The following APOBEC1 variants were observed in gnomAD, a reference collection of about 807,000 sequenced individuals.
The protein encoded by APOBEC1 is C->U-editing enzyme APOBEC-1.
Under a neutral mutation model 26.3 loss-of-function variants are expected in APOBEC1, and 22 were observed. That is an observed-to-expected ratio of 0.84 (90% CI 0.60 to 1.19). The LOEUF is 1.19. Among genes scored for constraint, APOBEC1 ranks in the 50% most tolerant of loss-of-function variants. The pLI, the probability that APOBEC1 is intolerant of heterozygous loss-of-function variation, is 0.00. For missense variants in APOBEC1, 253 were observed against 289.0 expected (o/e 0.88, Z 0.90); for synonymous variants, 77 against 95.3 (o/e 0.81, Z 1.12).
chr12:7,665,803 A>T, intron 1 of APOBEC1, 54 bp downstream of exon 1: 4 of 1,367,032 alleles, frequency 2.9e-6, no homozygotes, highest in African/African-American at 1.6e-5. Flanking sequence ...ACACACACAC[A>T]CACCATTCTT....
At chr12:7,650,881 T>G (rs1267594143) in intron 4 of APOBEC1, 142 bp downstream of exon 4, 2 of 692,136 alleles carry the variant, frequency 2.9e-6, no homozygotes, top group Admixed American at 4.6e-5. Flanking sequence ...TCTGAGATTT[T>G]CTTAAGAGGA....
upstream of APOBEC1, among the ~76,000 whole-genome samples, chr12:7,669,254 G>A (rs1201560541): frequency 1.3e-5 from 2 of 151,298 alleles, no homozygotes; most frequent in Admixed American, 6.6e-5. Flanking sequence ...TAGTAGAGAC[G>A]GGGTTTCACC....
At chr12:7,659,294 C>CAAAAAAAA (rs1163730869) in intron 1 of APOBEC1, among the ~76,000 whole-genome samples, 1 of 16,540 alleles carries the variant, frequency 6.0e-5, no homozygotes, top group Non-Finnish European at 1.0e-4. Flanking sequence ...AACTCCCTCT[C>CAAAAAAAA]AAAAAAAAAA....
intron 3 of APOBEC1, 47 bp downstream of exon 3, chr12:7,652,391 C>T: frequency 6.5e-7 from 1 of 1,538,554 alleles, no homozygotes; most frequent in Non-Finnish European, 8.8e-7. Flanking sequence ...GCTACTATCA[C>T]CACAGTCTGT....
At chr12:7,665,817 T>C in intron 1 of APOBEC1, 40 bp downstream of exon 1, 4 of 1,510,594 alleles carry the variant, frequency 2.6e-6, no homozygotes, top group Non-Finnish European at 3.6e-6. Context: ...CATTCTTGCA[T>C]TGTTCAAGAA....
At chr12:7,656,845 C>T (rs1428671640) in intron 1 of APOBEC1, among the ~76,000 whole-genome samples, 1 of 152,104 alleles carries the variant, frequency 6.6e-6, no homozygotes, top group Admixed American at 6.6e-5. Context: ...TAGAAAGATG[C>T]CTGTTTTATG....
intron 1 of APOBEC1, among the ~76,000 whole-genome samples, chr12:7,662,961 G>C (rs776122553): frequency 6.6e-6 from 1 of 152,138 alleles, no homozygotes; most frequent in African/African-American, 2.4e-5. Flanking sequence ...TAGAGAGTAT[G>C]GGGATGATTC....
In APOBEC1 at chr12:7,654,667, TC is replaced by T. The variant is rs778537982; in HGVS notation, c.17-36del. On this transcript the variant is annotated intron_variant, in intron 1 of 4. Transcript: ENST00000229304. ...AAGATATGATTATGTCAAACAACACTCAAATATCAAATGAGTTGCTAAGAAA... is the reference window on the plus strand; with the variant it reads ...AAGATATGATTATGTCAAACAACACTAAATATCAAATGAGTTGCTAAGAAA... 2.5e-6 allele frequency: 4 copies of T among 1,605,576 alleles called. No homozygotes were observed. In the Admixed American group the frequency reaches 6.7e-5, roughly 27 times the overall value.
intron 1 of APOBEC1, 60 bp from the exon 2 acceptor site, chr12:7,654,692 A>G: frequency 6.6e-7 from 1 of 1,513,864 alleles, no homozygotes; most frequent in South Asian, 1.1e-5. Flanking sequence ...GTTGCTAAGA[A>G]AAAGTGCTCT....
intron 1 of APOBEC1, among the ~76,000 whole-genome samples, chr12:7,661,780 G>A (rs1399879728): frequency 6.6e-6 from 1 of 152,076 alleles, no homozygotes; most frequent in East Asian, 1.9e-4. Flanking sequence ...ACCTGGAAGG[G>A]GAAAGAGAAA....
upstream of APOBEC1, among the ~76,000 whole-genome samples, chr12:7,667,680 A>G (rs576811823): frequency 2.4e-4 from 36 of 152,242 alleles, no homozygotes; most frequent in South Asian, 7.0e-3. Context: ...TATGAGAGGC[A>G]GAGATGGGAG....
chr12:7,656,254 T>C (rs1426905183), intron 1 of APOBEC1, among the ~76,000 whole-genome samples: 1 of 152,118 alleles, frequency 6.6e-6, no homozygotes, highest in Non-Finnish European at 1.5e-5. Context: ...TACTCCATGG[T>C]TATGAAATCA....
intron 1 of APOBEC1, among the ~76,000 whole-genome samples, chr12:7,656,387 C>T (rs1863715858): frequency 1.3e-5 from 2 of 152,076 alleles, no homozygotes; most frequent in South Asian, 4.1e-4. Flanking sequence ...GTGATCTAAG[C>T]AGTACTTTGT....
chr12:7,668,329 G>T (rs1863917356), upstream of APOBEC1, among the ~76,000 whole-genome samples: 1 of 152,150 alleles, frequency 6.6e-6, no homozygotes, highest in East Asian at 1.9e-4. Flanking sequence ...CAGACCTCCA[G>T]AACTATAAAA....
chr12:7,665,351 G>A (rs896209100), intron 1 of APOBEC1, among the ~76,000 whole-genome samples: 1 of 152,090 alleles, frequency 6.6e-6, no homozygotes. Flanking sequence ...AGGCTGGAGT[G>A]CAGTGGCGTG....
intron 1 of APOBEC1, 52 bp from the exon 2 acceptor site, chr12:7,654,684 T>G (rs755623668): frequency 7.6e-6 from 12 of 1,579,214 alleles, no homozygotes; most frequent in Non-Finnish European, 1.0e-5. Context: ...TCAAATGAGT[T>G]GCTAAGAAAA....
chr12:7,662,325 T>G (rs1438519185), intron 1 of APOBEC1, among the ~76,000 whole-genome samples: 1 of 151,992 alleles, frequency 6.6e-6, no homozygotes, highest in Admixed American at 6.6e-5. Flanking sequence ...ATCATGCCTG[T>G]AATCCCAGCA....
upstream of APOBEC1, among the ~76,000 whole-genome samples, chr12:7,666,455 G>A (rs370972330): frequency 3.3e-5 from 5 of 151,804 alleles, no homozygotes; most frequent in African/African-American, 7.3e-5. Context: ...CACCACGCCC[G>A]GCTAATTTTT....
intron 1 of APOBEC1, among the ~76,000 whole-genome samples, chr12:7,659,322 A>AAAAAAAT (rs1555094633): frequency 2.4e-4 from 11 of 46,278 alleles, no homozygotes; most frequent in African/African-American, 8.8e-4. Flanking sequence ...AAAAAAAAAA[A>AAAAAAAT]ATATATATAT....
Sources: gnomAD v4.1 joint callset for allele counts (sites outside exome capture counted in the v4.1 genomes callset) on GRCh38, gnomAD v4.1.1 for gene constraint, MANE v1.5 for transcripts, NCBI Gene and HGNC (gene_info 2026-07-23, HGNC 2026-07-21) for gene names.